The following TOM1 variants were observed in gnomAD, a reference collection of about 807,000 sequenced individuals.
TOM1 encodes the protein target of Myb protein 1.
TOM1 carries 38 observed loss-of-function variants against 61.3 expected under a neutral mutation model. The observed-to-expected ratio is 0.62, with a 90% CI of 0.48 to 0.81. TOM1 has a LOEUF of 0.81. TOM1 is among the 40% of genes least tolerant of loss of function. The probability of loss-of-function intolerance (pLI) is 0.00; values close to 1 mark genes in which losing one functional copy is unlikely to be tolerated. For synonymous variants in TOM1, 270 were observed against 268.8 expected (o/e 1.00, Z -0.04); for missense variants, 591 against 659.6 (o/e 0.90, Z 1.14).
chr22:35,320,057 C>T (rs1927635243), intron 2 of TOM1, among the ~76,000 whole-genome samples: 1 of 152,172 alleles, frequency 6.6e-6, no homozygotes, highest in Non-Finnish European at 1.5e-5. Context: ...ACTGGCCAGG[C>T]TGAGAAATGT....
At chr22:35,321,465 C>G (rs578031743) in intron 2 of TOM1, among the ~76,000 whole-genome samples, 1 of 152,048 alleles carries the variant, frequency 6.6e-6, no homozygotes, top group Non-Finnish European at 1.5e-5. Context: ...GTGGCGTAAT[C>G]TCGGCTCACT....
intron 7 of TOM1, among the ~76,000 whole-genome samples, chr22:35,329,183 T>C (rs956781883): frequency 4.6e-5 from 7 of 152,230 alleles, no homozygotes; most frequent in Non-Finnish European, 7.3e-5. Flanking sequence ...CTTGAACTCC[T>C]GACCTCAGGT....
chr22:35,330,240 C>T, intron 7 of TOM1, 107 bp from the exon 8 acceptor site: 6 of 1,174,446 alleles, frequency 5.1e-6, no homozygotes, highest in Non-Finnish European at 7.2e-6. Flanking sequence ...CAAGATCGCA[C>T]CACTGCACTC....
intron 1 of TOM1, among the ~76,000 whole-genome samples, chr22:35,312,550 C>A (rs1414772673): frequency 6.6e-6 from 1 of 152,246 alleles, no homozygotes; most frequent in Admixed American, 6.5e-5. Flanking sequence ...TGCTGTGCAT[C>A]TCACAAACTG....
chr22:35,314,206 G>C (rs1927083238), intron 1 of TOM1, among the ~76,000 whole-genome samples: 1 of 111,316 alleles, frequency 9.0e-6, no homozygotes, highest in Admixed American at 9.4e-5. Context: ...GGCAAGTGAT[G>C]GTCTGGGCAG....
intron 1 of TOM1, among the ~76,000 whole-genome samples, chr22:35,304,720 C>T (rs1300647990): frequency 6.6e-6 from 1 of 152,206 alleles, no homozygotes; most frequent in Admixed American, 6.5e-5. Flanking sequence ...CCTCATGAAC[C>T]ACCCACCTCG....
At chr22:35,327,458 A>G (rs1297853421) in intron 7 of TOM1, 71 bp downstream of exon 7, 4 of 1,082,746 alleles carry the variant, frequency 3.7e-6, no homozygotes, top group Admixed American at 1.9e-5. Context: ...TTCTTTCCCA[A>G]TCCTCATGAC....
At chr22:35,308,819 C>T (rs958398832) in intron 1 of TOM1, among the ~76,000 whole-genome samples, 1 of 152,124 alleles carries the variant, frequency 6.6e-6, no homozygotes, top group East Asian at 1.9e-4. Context: ...TAGTTAGTTA[C>T]ATCGACTTTA....
intron 7 of TOM1, among the ~76,000 whole-genome samples, chr22:35,329,753 T>C (rs1477535624): frequency 6.6e-6 from 1 of 152,236 alleles, no homozygotes; most frequent in East Asian, 1.9e-4. Flanking sequence ...TAAGCAAAGA[T>C]GGTGGCACAA....
chr22:35,317,297 C>T (rs1371786752), intron 1 of TOM1, among the ~76,000 whole-genome samples: 2 of 152,154 alleles, frequency 1.3e-5, no homozygotes, highest in Admixed American at 6.5e-5. Flanking sequence ...TCAAACGATT[C>T]TCCTGCCTCA....
At chr22:35,330,519 C>A in intron 8 of TOM1, 39 bp downstream of exon 8, 1 of 1,559,238 alleles carries the variant, frequency 6.4e-7, no homozygotes, top group South Asian at 1.2e-5. Flanking sequence ...GCCTACTGCC[C>A]CAACCCTCTC....
chr22:35,335,224 G>A (rs1258801956), intron 11 of TOM1, among the ~76,000 whole-genome samples: 1 of 152,152 alleles, frequency 6.6e-6, no homozygotes, highest in Non-Finnish European at 1.5e-5. Context: ...GATTCTTATA[G>A]CTAAGGAAAG....
chr22:35,335,720 G>A (rs1234585731), intron 11 of TOM1: 1 of 154,848 alleles, frequency 6.5e-6, no homozygotes, highest in African/African-American at 2.4e-5. Flanking sequence ...TGTCCTCTAG[G>A]GCCTGCAGTC....
intron 1 of TOM1, 84 bp from the exon 2 acceptor site, chr22:35,317,793 G>A: frequency 2.0e-6 from 2 of 1,005,446 alleles, no homozygotes; most frequent in Non-Finnish European, 3.2e-6. Context: ...ATCCGGCCCT[G>A]CACCCCCCTC....
chr22:35,310,238 A>G (rs1229616434), intron 1 of TOM1, among the ~76,000 whole-genome samples: 1 of 152,138 alleles, frequency 6.6e-6, no homozygotes, highest in Non-Finnish European at 1.5e-5. Flanking sequence ...TGGAGGACAG[A>G]TTAAGGAGGG....
intron 7 of TOM1, among the ~76,000 whole-genome samples, chr22:35,327,829 C>T (rs977755152): frequency 2.0e-5 from 3 of 152,168 alleles, no homozygotes; most frequent in Non-Finnish European, 4.4e-5. Context: ...TGAGATGCGC[C>T]AGCCACTGAT....
At chr22:35,337,594 G>A (rs570639000) in intron 11 of TOM1, among the ~76,000 whole-genome samples, 1 of 152,346 alleles carries the variant, frequency 6.6e-6, no homozygotes, top group South Asian at 2.1e-4. Context: ...GTGGGAACTG[G>A]GGGTCATATT....
chr22:35,317,480 G>A (rs1363838379), intron 1 of TOM1, among the ~76,000 whole-genome samples: 2 of 152,238 alleles, frequency 1.3e-5, no homozygotes, highest in Middle Eastern at 3.4e-3. Flanking sequence ...GAGCCACCGC[G>A]CCCAGCTCAA....
At chr22:35,315,420 G>A (rs868178773) in intron 1 of TOM1, among the ~76,000 whole-genome samples, 161 of 152,284 alleles carry the variant, frequency 1.1e-3, no homozygotes, top group African/African-American at 3.6e-3. Context: ...AGCAGGGCAC[G>A]GCCCTCTGCT....
Sources: allele counts gnomAD v4.1 joint callset (sites outside exome capture counted in the v4.1 genomes callset), GRCh38; gene constraint gnomAD v4.1.1; transcripts MANE v1.5; gene names NCBI Gene and HGNC (gene_info 2026-07-23, HGNC 2026-07-21).